Variants in PLSCR1 observed in about 807,000 individuals in gnomAD.
PLSCR1 encodes phospholipid scramblase 1, also known as PL scramblase 1.
PLSCR1 carries 17 observed loss-of-function variants against 37.8 expected under a neutral mutation model. That is an observed-to-expected ratio of 0.45 (90% CI 0.31 to 0.68). The LOEUF is 0.68. PLSCR1 is among the 30% of genes least tolerant of loss of function. The probability of loss-of-function intolerance (pLI) is 0.06; values close to 1 mark genes in which losing one functional copy is unlikely to be tolerated. For synonymous variants in PLSCR1, 116 were observed against 125.9 expected (o/e 0.92, Z 0.53); for missense variants, 347 against 380.9 (o/e 0.91, Z 0.74).
intron 5 of PLSCR1, among the ~76,000 whole-genome samples, chr3:146,524,260 A>G (rs1163364222): frequency 6.6e-6 from 1 of 152,208 alleles, no homozygotes; most frequent in African/African-American, 2.4e-5. Context: ...CTTTTCATTT[A>G]CTTTAAAAAT....
intron 2 of PLSCR1, 61 bp downstream of exon 2, chr3:146,536,479 C>A: frequency 4.4e-6 from 4 of 918,960 alleles, no homozygotes; most frequent in Non-Finnish European, 7.2e-6. Context: ...TGACAAATAA[C>A]AAGTTACCAA....
intron 1 of PLSCR1, among the ~76,000 whole-genome samples, chr3:146,540,105 T>A (rs1445578464): frequency 1.3e-5 from 2 of 152,266 alleles, no homozygotes; most frequent in Non-Finnish European, 2.9e-5. Context: ...ACTTATTTCA[T>A]TTTAAATTTC....
At chr3:146,517,574 T>C (rs569874750) in intron 7 of PLSCR1, among the ~76,000 whole-genome samples, 1 of 152,202 alleles carries the variant, frequency 6.6e-6, no homozygotes, top group African/African-American at 2.4e-5. Flanking sequence ...TTACACAGAC[T>C]GAAAGATTAA....
intron 5 of PLSCR1, among the ~76,000 whole-genome samples, chr3:146,522,984 ACCTTCT>A (rs1242226659): frequency 6.6e-6 from 1 of 152,164 alleles, no homozygotes; most frequent in Non-Finnish European, 1.5e-5. Context: ...TTACATGCTG[ACCTTCT>A]CCCCACTATT....
intron 1 of PLSCR1, among the ~76,000 whole-genome samples, chr3:146,537,698 A>T (rs2108666947): frequency 6.6e-6 from 1 of 152,148 alleles, no homozygotes; most frequent in Non-Finnish European, 1.5e-5. Context: ...ACATGGACAG[A>T]CACTGTCTCT....
At chr3:146,542,436 G>A (rs940368118) in intron 1 of PLSCR1, among the ~76,000 whole-genome samples, 6 of 152,156 alleles carry the variant, frequency 3.9e-5, no homozygotes, top group East Asian at 3.9e-4. Flanking sequence ...ATTCTATGAC[G>A]TTCTCACAAC....
At chr3:146,518,730 G>A (rs2043979087) in intron 7 of PLSCR1, among the ~76,000 whole-genome samples, 1 of 152,052 alleles carries the variant, frequency 6.6e-6, no homozygotes, top group African/African-American at 2.4e-5. Context: ...ATTTTTTATG[G>A]CAAGGATAAG....
rs149111206 is a variant in PLSCR1 at position 146,527,708 on chromosome 3, T to C, written c.312+906A>G. Among the ~76,000 whole-genome samples, 538 of 152,322 alleles carry C rather than the reference T, an allele frequency of 3.5e-3. 6 individuals are homozygous for C. Among genetic ancestry groups the C allele is most frequent in the African/African-American group, 0.012 (503 of 41,582 alleles). On this transcript the variant is annotated intron_variant, in intron 4 of 8. Transcript: ENST00000342435. ...TGCATAATATAATAATGACCAAAAA[T>C]TCCTATGATTATGCCACTTAAGCAC...
At position 146,528,643 on chromosome 3, in the gene PLSCR1, A is replaced by C; in HGVS notation, c.283T>G (p.Cys95Gly). The C allele has an allele frequency of 6.2e-7, 1 of 1,614,016 alleles. No individual in the cohort carries two copies. The highest frequency in any genetic ancestry group is 1.1e-5 in the South Asian group (1 of 91,084). Residue 95 changes from cysteine to glycine, a missense_variant, in exon 4 of 9, where the codon TGT becomes GGT. Cys to Gly is a radical substitution (Grantham distance 159). Transcript: ENST00000342435. ...WMPAPQPPLN[C>G]PPGLEYLSQI... Reference sequence around the variant, plus strand: ...CTTAAATATTCTAATCCAGGTGGACAGTTTAATGGAGGCTGTGGCGCTGGC... The same window carrying C: ...CTTAAATATTCTAATCCAGGTGGACCGTTTAATGGAGGCTGTGGCGCTGGC...
chr3:146,532,159 T>A (rs2044208212), intron 3 of PLSCR1, among the ~76,000 whole-genome samples: 1 of 152,226 alleles, frequency 6.6e-6, no homozygotes, highest in Non-Finnish European at 1.5e-5. Flanking sequence ...TCTATATATA[T>A]AAACAAACTC....
At chr3:146,536,930 G>T in intron 1 of PLSCR1, 1 of 173,032 alleles carries the variant, frequency 5.8e-6, no homozygotes, top group South Asian at 1.9e-4. Context: ...GGAAATGCTT[G>T]GTTCAGTTCC....
chr3:146,522,969 C>T (rs993313832), intron 5 of PLSCR1, among the ~76,000 whole-genome samples: 9 of 152,204 alleles, frequency 5.9e-5, no homozygotes, highest in Admixed American at 5.9e-4. Context: ...CATTTGTTCA[C>T]GTGTTTACAT....
At chr3:146,535,029 T>G (rs1001887932) in intron 2 of PLSCR1, among the ~76,000 whole-genome samples, 3 of 152,174 alleles carry the variant, frequency 2.0e-5, no homozygotes, top group Non-Finnish European at 4.4e-5. Context: ...TTCTCTTCTA[T>G]TTCTCAGCAT....
rs541444308 is a variant in PLSCR1, at chr3:146,528,594, T to A, written c.312+20A>T. ...AGCACAGTTCTGTTTTTTATGAGTA[T>A]TTTGTGTCTTTGAAATTACCTGACT... On this transcript the variant is annotated intron_variant, in intron 4 of 8. Coordinates refer to ENST00000342435, the MANE Select transcript of PLSCR1 (RefSeq NM_021105.3). The A allele has an allele frequency of 2.5e-5, 40 of 1,583,008 alleles. 1 individual carries two copies. In the South Asian group the frequency reaches 4.3e-4, roughly 17 times the overall value.
chr3:146,522,052 A>T lies in PLSCR1; in HGVS notation c.357T>A (p.Val119=), dbSNP rs1171853855. The change falls in exon 6 of 9, where the codon GTT becomes GTA. Residue 119 remains valine, a splice_region_variant and synonymous_variant. Coordinates refer to ENST00000342435, the MANE Select transcript of PLSCR1 (RefSeq NM_021105.3). ...LIHQQIELLE[V]LTGFETNNKY... is the part of the protein sequence containing the mutation. ...TGTTATTAGTTTCAAAACCTGTTAA[A>T]ACTAAAAACATAAAAGACGAAATCA... 6.6e-7 allele frequency: 1 copy of T among 1,513,382 alleles called. No homozygotes were observed. The highest frequency in any genetic ancestry group is 9.2e-7 in the Non-Finnish European group (1 of 1,088,058). The allele number at this position is 1,513,382 out of a possible 1,614,324, so 93.7% of individuals were successfully genotyped here. A position where few individuals can be genotyped will look rare whatever the true frequency, so the allele number is the denominator to read the frequency against.
At chr3:146,519,868 C>A (rs1264990942) in intron 7 of PLSCR1, among the ~76,000 whole-genome samples, 3 of 152,076 alleles carry the variant, frequency 2.0e-5, no homozygotes, top group Admixed American at 2.0e-4. Flanking sequence ...AGTTTATCTC[C>A]AAAATTTTTT....
intron 8 of PLSCR1, 149 bp from the exon 9 acceptor site, chr3:146,516,250 T>C (rs2043944981): frequency 2.0e-6 from 1 of 504,902 alleles, no homozygotes; most frequent in Non-Finnish European, 3.4e-6. Context: ...AAAAGCTCTA[T>C]AATTATATAA....
At chr3:146,544,102 C>T (rs538067987) in intron 1 of PLSCR1, among the ~76,000 whole-genome samples, 62 of 152,296 alleles carry the variant, frequency 4.1e-4, no homozygotes, top group African/African-American at 1.3e-3. Context: ...GATTCAGGGC[C>T]GCTCTCTACC....
At chr3:146,523,720 T>C (rs1340476715) in intron 5 of PLSCR1, among the ~76,000 whole-genome samples, 1 of 152,176 alleles carries the variant, frequency 6.6e-6, no homozygotes, top group East Asian at 1.9e-4. Flanking sequence ...GCACCTTTGC[T>C]GGGCTAATCT....
Sources: allele counts gnomAD v4.1 joint callset (sites outside exome capture counted in the v4.1 genomes callset), GRCh38; gene constraint gnomAD v4.1.1; transcripts MANE v1.5; gene names NCBI Gene and HGNC (gene_info 2026-07-23, HGNC 2026-07-21).